SYN3: variants seen among roughly 807,000 people sequenced by gnomAD.
SYN3 encodes the protein synapsin III.
In SYN3, 35 loss-of-function variants were observed where a neutral mutation model predicts 65.8. The ratio of observed to expected loss-of-function variants is 0.53; its 90% CI spans 0.41 to 0.70. The LOEUF is 0.70. SYN3 is among the 30% of genes least tolerant of loss of function. SYN3 has a pLI of 0.00. For missense variants in SYN3, 680 were observed against 749.0 expected, an observed-to-expected ratio of 0.91 and a Z score of 1.08; for synonymous variants, 270 against 292.9, an observed-to-expected ratio of 0.92 and a Z score of 0.80.
chr22:32,881,621 T>A (rs796573109), intron 4 of SYN3, among the ~76,000 whole-genome samples: 5 of 152,384 alleles, frequency 3.3e-5, no homozygotes, highest in African/African-American at 1.2e-4. Flanking sequence ...CACTTCTCGC[T>A]GGTTCCCTAG....
chr22:32,723,816 G>C (rs1480343637), intron 6 of SYN3, among the ~76,000 whole-genome samples: 1 of 152,244 alleles, frequency 6.6e-6, no homozygotes, highest in East Asian at 1.9e-4. Context: ...GCTGCCGGCT[G>C]CCGCCTGGAT....
intron 6 of SYN3, chr22:32,862,839 G>A (rs184767158): frequency 3.9e-5 from 6 of 152,716 alleles, no homozygotes; most frequent in South Asian, 2.1e-4. Context: ...AAGTGATGGA[G>A]AGAAACCAAC....
intron 6 of SYN3, among the ~76,000 whole-genome samples, chr22:32,833,125 C>T (rs561436139): frequency 2.0e-5 from 3 of 152,268 alleles, no homozygotes; most frequent in Non-Finnish European, 2.9e-5. Context: ...TAAAAAGATT[C>T]CAAGTGGGGA....
At chr22:32,708,160 T>C (rs1010255119) in intron 6 of SYN3, among the ~76,000 whole-genome samples, 5 of 152,190 alleles carry the variant, frequency 3.3e-5, no homozygotes, top group African/African-American at 9.7e-5. Flanking sequence ...ACTAATGGAG[T>C]GTGTGATCTG....
intron 6 of SYN3, among the ~76,000 whole-genome samples, chr22:32,724,343 C>T (rs1057094170): frequency 4.6e-5 from 7 of 152,218 alleles, no homozygotes; most frequent in African/African-American, 1.7e-4. Flanking sequence ...CCTCCTACCT[C>T]AGCTTCCCAT....
Position 32,717,972 on chromosome 22 carries a change from T to C in SYN3, c.712-121236A>G, listed in dbSNP as rs148728283. Among the ~76,000 whole-genome samples, 193 of 152,360 alleles carry C rather than the reference T, an allele frequency of 1.3e-3. 1 individual carries two copies. Among genetic ancestry groups the C allele is most frequent in the African/African-American group, 4.4e-3 (183 of 41,586 alleles). On this transcript the variant is annotated intron_variant, in intron 6 of 13. Transcript: ENST00000358763. Reference sequence around the variant, plus strand: ...CAACAGGTTTAAGAATGAGGCTCTCTGTAGCTATTTCAGATCCAATCACGT... The same window carrying C: ...CAACAGGTTTAAGAATGAGGCTCTCCGTAGCTATTTCAGATCCAATCACGT...
intron 7 of SYN3, among the ~76,000 whole-genome samples, chr22:32,542,183 T>A (rs968063391): frequency 6.6e-6 from 1 of 151,660 alleles, no homozygotes; most frequent in Admixed American, 6.6e-5. Context: ...GGGAGTGGAG[T>A]TTAAATAAGG....
chr22:32,677,000 G>A (rs1274251081), intron 6 of SYN3, among the ~76,000 whole-genome samples: 3 of 152,232 alleles, frequency 2.0e-5, no homozygotes, highest in Non-Finnish European at 2.9e-5. Context: ...ACAGAACCAC[G>A]ACAATTTGAA....
intron 6 of SYN3, among the ~76,000 whole-genome samples, chr22:32,709,308 G>C (rs912103267): frequency 6.6e-6 from 1 of 152,190 alleles, no homozygotes; most frequent in Non-Finnish European, 1.5e-5. Context: ...ACCAAGAATA[G>C]GAACCAATGG....
At chr22:32,799,348 A>G (rs1790984480) in intron 6 of SYN3, among the ~76,000 whole-genome samples, 1 of 152,244 alleles carries the variant, frequency 6.6e-6, no homozygotes, top group Admixed American at 6.5e-5. Context: ...ATTAACCAAA[A>G]GGTAATTTCG....
intron 7 of SYN3, among the ~76,000 whole-genome samples, chr22:32,572,095 GGGAA>G (rs1181738663): frequency 1.3e-5 from 2 of 151,844 alleles, no homozygotes; most frequent in Non-Finnish European, 2.9e-5. Context: ...GCTTTAAGCG[GGGAA>G]GGTACTTAAG....
intron 6 of SYN3, among the ~76,000 whole-genome samples, chr22:32,825,626 C>T (rs1219104103): frequency 1.6e-5 from 2 of 125,348 alleles, no homozygotes; most frequent in Non-Finnish European, 3.1e-5. Context: ...CCACTGCACT[C>T]CAGCCTGGGC....
chr22:32,510,534 G>T lies in SYN3; in HGVS notation c.*3158C>A, dbSNP rs2057679048. Among the ~76,000 whole-genome samples the T allele has an allele frequency of 6.6e-6, 1 of 152,136 alleles. No individual in the cohort carries two copies. The highest frequency in any genetic ancestry group is 1.5e-5 in the Non-Finnish European group (1 of 68,022). ...TCTCCTGAAACTTGAGGACCTCATG[G>T]TTACACCCTGCCCTACAAGTTTTCT... On this transcript the variant is annotated 3_prime_UTR_variant, in exon 14 of 14. Coordinates refer to ENST00000358763, the MANE Select transcript of SYN3 (RefSeq NM_003490.4).
chr22:32,642,005 A>G (rs1296039248), intron 6 of SYN3, among the ~76,000 whole-genome samples: 1 of 151,880 alleles, frequency 6.6e-6, no homozygotes, highest in East Asian at 1.9e-4. Flanking sequence ...GTTTCCGGTT[A>G]AGGCCCGGGT....
At chr22:32,733,126 G>A (rs942446907) in intron 6 of SYN3, among the ~76,000 whole-genome samples, 1 of 152,164 alleles carries the variant, frequency 6.6e-6, no homozygotes, top group Non-Finnish European at 1.5e-5. Context: ...GGCTGAGTGT[G>A]GGGGGCAAAG....
intron 4 of SYN3, among the ~76,000 whole-genome samples, chr22:32,871,122 C>G (rs1159464552): frequency 6.6e-6 from 1 of 152,250 alleles, no homozygotes; most frequent in Non-Finnish European, 1.5e-5. Flanking sequence ...CCCCATCCTT[C>G]TTCATGAGGA....
chr22:32,897,431 C>T (rs2049626196), intron 4 of SYN3, among the ~76,000 whole-genome samples: 1 of 152,180 alleles, frequency 6.6e-6, no homozygotes, highest in Admixed American at 6.5e-5. Context: ...TCAGTCATGA[C>T]AATCACTGTT....
chr22:32,518,172 C>A lies in SYN3; in HGVS notation c.1481G>T (p.Ser494Ile). Residue 494 changes from serine (S) to isoleucine (I), a missense_variant, in exon 13 of 14, where the codon AGC (serine) becomes ATC (isoleucine). By Grantham distance (142) the Ser-to-Ile change is moderately radical. Coordinates refer to ENST00000358763, the MANE Select transcript of SYN3 (RefSeq NM_003490.4). ...SPQLSRASSG[S>I]SPNQASKPGA... Reference sequence around the variant, plus strand: ...TGGCTTGGAGGCCTGGTTTGGGGAGCTGCCACTGGATGCCCGGGATAGCTG... The same window carrying A: ...TGGCTTGGAGGCCTGGTTTGGGGAGATGCCACTGGATGCCCGGGATAGCTG... 6.2e-7 allele frequency: 1 copy of A among 1,613,492 alleles called. No homozygotes were observed. The highest frequency in any genetic ancestry group is 8.5e-7 in the Non-Finnish European group (1 of 1,179,776).
chr22:33,008,941 AAAAAAAAAAAAAAAAAAAAAAAGAG>A (rs2053271530), intron 1 of SYN3, among the ~76,000 whole-genome samples: 1 of 80,874 alleles, frequency 1.2e-5, no homozygotes, highest in African/African-American at 5.6e-5. Flanking sequence ...AAAAAAAAAA[AAAAAAAAAAAAAAAAAAAAAAAGAG>A]AGAGAGAGAA....
Sources: gnomAD v4.1 joint callset for allele counts (sites outside exome capture counted in the v4.1 genomes callset) on GRCh38, gnomAD v4.1.1 for gene constraint, MANE v1.5 for transcripts, NCBI Gene and HGNC (gene_info 2026-07-23, HGNC 2026-07-21) for gene names.